Variants in PDE5A observed in about 807,000 individuals in gnomAD.
PDE5A encodes the protein cGMP-specific 3',5'-cyclic phosphodiesterase.
Under a neutral mutation model 110.2 loss-of-function variants are expected in PDE5A, and 67 were observed. The observed-to-expected ratio is 0.61, with a 90% CI of 0.50 to 0.75. The LOEUF is 0.75. Among genes scored for constraint, PDE5A ranks in the 30% least tolerant of loss-of-function variants. The pLI is 0.00. For missense variants in PDE5A, 862 were observed against 1,045.1 expected, an observed-to-expected ratio of 0.82 and a Z score of 2.42; for synonymous variants, 328 against 351.2, an observed-to-expected ratio of 0.93 and a Z score of 0.74.
At chr4:119,503,596 CAAGT>C (rs748585322) in intron 18 of PDE5A, among the ~76,000 whole-genome samples, 13 of 152,212 alleles carry the variant, frequency 8.5e-5, no homozygotes, top group Admixed American at 2.6e-4. Context: ...CCTTAAGAAA[CAAGT>C]AAGCCAGAAG....
intron 3 of PDE5A, among the ~76,000 whole-genome samples, chr4:119,568,430 T>C (rs1174400804): frequency 3.3e-5 from 5 of 152,134 alleles, no homozygotes; most frequent in Non-Finnish European, 7.3e-5. Flanking sequence ...GTAGTATAAT[T>C]TGGTTATTTT....
At position 119,622,046 on chromosome 4, in the gene PDE5A, C is replaced by T. The variant is rs1051592868; in HGVS notation, c.152+6474G>A. On this transcript the variant is annotated intron_variant, in intron 1 of 20. Coordinates refer to ENST00000354960, the MANE Select transcript of PDE5A (RefSeq NM_001083.4). ...AACATTAGCCAGGCATGGTGGTGGG[C>T]GCCTGTAGTCCCAGCTACTCGGGAG... Among the ~76,000 whole-genome samples, 5 of 151,790 alleles carry T rather than the reference C, an allele frequency of 3.3e-5. No homozygotes were observed. The East Asian group carries it at 7.7e-4, about 24-fold the overall frequency.
At chr4:119,506,395 ATT>A (rs1354275481) in intron 16 of PDE5A, among the ~76,000 whole-genome samples, 1 of 151,768 alleles carries the variant, frequency 6.6e-6, no homozygotes, top group Non-Finnish European at 1.5e-5. Context: ...ATAAAATAAT[ATT>A]TGTTATTATT....
At chr4:119,534,936 T>C (rs1215502203) in intron 11 of PDE5A, among the ~76,000 whole-genome samples, 1 of 152,186 alleles carries the variant, frequency 6.6e-6, no homozygotes, top group Non-Finnish European at 1.5e-5. Context: ...TAAGAAATCC[T>C]GCCTAAATGG....
chr4:119,538,745 A>C (rs1435253904), intron 11 of PDE5A: 1 of 481,108 alleles, frequency 2.1e-6, no homozygotes, highest in Non-Finnish European at 3.8e-6. Flanking sequence ...GATTATAACA[A>C]TTACTGGAAA....
At chr4:119,505,727 A>G (rs1357831210) in intron 17 of PDE5A, 128 bp downstream of exon 17, 6 of 611,294 alleles carry the variant, frequency 9.8e-6, no homozygotes, top group Non-Finnish European at 1.7e-5. Flanking sequence ...CCTCTGGAGA[A>G]ATCTGACCGC....
chr4:119,578,545 C>T (rs1332809147), intron 3 of PDE5A, among the ~76,000 whole-genome samples: 1 of 152,188 alleles, frequency 6.6e-6, no homozygotes, highest in Non-Finnish European at 1.5e-5. Flanking sequence ...ATATCTACAA[C>T]CATCTGATCT....
At chr4:119,509,426 C>T (rs962559771) in intron 15 of PDE5A, among the ~76,000 whole-genome samples, 1 of 151,920 alleles carries the variant, frequency 6.6e-6, no homozygotes, top group African/African-American at 2.4e-5. Flanking sequence ...AGCAAGCTAC[C>T]AAGAGGCTAC....
At chr4:119,578,071 T>G (rs1728433083) in intron 3 of PDE5A, among the ~76,000 whole-genome samples, 1 of 152,086 alleles carries the variant, frequency 6.6e-6, no homozygotes, top group Admixed American at 6.6e-5. Context: ...AAATCATGAG[T>G]GAACTCCCAT....
intron 2 of PDE5A, among the ~76,000 whole-genome samples, chr4:119,601,851 G>A (rs985144094): frequency 6.6e-6 from 1 of 152,122 alleles, no homozygotes; most frequent in African/African-American, 2.4e-5. Context: ...TGGTATTCCA[G>A]CTAAAAGGGC....
intron 12 of PDE5A, among the ~76,000 whole-genome samples, chr4:119,521,454 T>C (rs1208788600): frequency 6.6e-6 from 1 of 151,292 alleles, no homozygotes; most frequent in Non-Finnish European, 1.5e-5. Flanking sequence ...AAGGTTCACA[T>C]AGGTATGAAT....
In PDE5A at chr4:119,628,685, C is replaced by A; in HGVS notation, c.-14G>T. The A allele has an allele frequency of 6.2e-7, 1 of 1,610,296 alleles. No individual in the cohort carries two copies. The highest frequency in any genetic ancestry group is 1.1e-5 in the South Asian group (1 of 91,004). ...GGCCCGCTCCATGGTTGGCACCGCG[C>A]GCCTCGGAGGCTCTCTGGTACTGCT... On this transcript the variant is annotated 5_prime_UTR_variant, in exon 1 of 21. Transcript: ENST00000354960.
intron 1 of PDE5A, 77 bp downstream of exon 1, chr4:119,628,443 G>A: frequency 8.0e-7 from 1 of 1,248,808 alleles, no homozygotes; most frequent in East Asian, 2.4e-5. Flanking sequence ...AAGGGCCTGG[G>A]AACAGGGGTG....
At chr4:119,610,739 G>A (rs1729712861) in intron 1 of PDE5A, among the ~76,000 whole-genome samples, 1 of 152,104 alleles carries the variant, frequency 6.6e-6, no homozygotes, top group Non-Finnish European at 1.5e-5. Context: ...CAGTTGCGCA[G>A]TCAAGTTCTG....
chr4:119,552,873 C>T (rs1727406011), intron 8 of PDE5A, among the ~76,000 whole-genome samples: 1 of 151,118 alleles, frequency 6.6e-6, no homozygotes, highest in Non-Finnish European at 1.5e-5. Context: ...ACTTTCCAAG[C>T]AGCTTAATAA....
At chr4:119,553,328 A>ATTTGC (rs1419110287) in intron 8 of PDE5A, among the ~76,000 whole-genome samples, 4 of 152,130 alleles carry the variant, frequency 2.6e-5, no homozygotes, top group Admixed American at 2.6e-4. Context: ...AATAAGGCAA[A>ATTTGC]AACTCTAGCA....
intron 12 of PDE5A, among the ~76,000 whole-genome samples, chr4:119,524,019 T>G (rs2110472218): frequency 6.6e-6 from 1 of 152,204 alleles, no homozygotes; most frequent in East Asian, 1.9e-4. Flanking sequence ...TGATGAGTGA[T>G]GTAACCAGTC....
intron 14 of PDE5A, among the ~76,000 whole-genome samples, chr4:119,515,766 G>A (rs1174550269): frequency 2.0e-5 from 3 of 152,022 alleles, no homozygotes. Context: ...TCTCTAGCCA[G>A]TATGTGATTT....
rs1045637454 is a variant in PDE5A at position 119,562,380 on chromosome 4, C to T, written c.1131+453G>A. On this transcript the variant is annotated intron_variant, in intron 6 of 20. Transcript: ENST00000354960. ...ATTAGTAATACTCCTACTGGCTATG[C>T]CTTTTGGTTTCTATACAATTTCTAG... is the stretch of plus-strand genomic sequence containing the variant. Among the ~76,000 whole-genome samples, 14 of 152,258 alleles carry T rather than the reference C, an allele frequency of 9.2e-5. No individual in the cohort carries two copies. In the East Asian group the frequency reaches 2.7e-3, roughly 29 times the overall value.
Sources: gnomAD v4.1 joint callset for allele counts (sites outside exome capture counted in the v4.1 genomes callset) on GRCh38, gnomAD v4.1.1 for gene constraint, MANE v1.5 for transcripts, NCBI Gene and HGNC (gene_info 2026-07-23, HGNC 2026-07-21) for gene names.